DHX30: variants seen among roughly 807,000 people sequenced by gnomAD.
DHX30 encodes the protein ATP-dependent RNA helicase DHX30.
DHX30 carries 4 observed loss-of-function variants against 116.9 expected under a neutral mutation model. The ratio of observed to expected loss-of-function variants is 0.03; its 90% CI spans 0.02 to 0.08. The LOEUF is 0.08. Among genes scored for constraint, DHX30 ranks in the 10% least tolerant of loss-of-function variants. The pLI, the probability that DHX30 is intolerant of heterozygous loss-of-function variation, is 1.00. For missense variants in DHX30, 871 were observed against 1,595.1 expected (o/e 0.55, Z 7.73); for synonymous variants, 697 against 651.7 (o/e 1.07, Z -1.06).
At chr3:47,838,927 T>C (rs1192118281) in intron 6 of DHX30, among the ~76,000 whole-genome samples, 1 of 151,862 alleles carries the variant, frequency 6.6e-6, no homozygotes, top group African/African-American at 2.4e-5. Flanking sequence ...AGGCTGGAGT[T>C]CAGTGGTGTG....
chr3:47,822,343 G>C (rs1322960249), intron 4 of DHX30: 1 of 153,160 alleles, frequency 6.5e-6, no homozygotes, highest in East Asian at 1.9e-4. Context: ...TGCTGATAAA[G>C]ACATACCCAA....
chr3:47,829,451 C>T (rs1390500882), intron 6 of DHX30, among the ~76,000 whole-genome samples: 2 of 147,866 alleles, frequency 1.4e-5, no homozygotes, highest in Admixed American at 6.9e-5. Context: ...TCAAGTGATT[C>T]TCATGCCTTA....
At chr3:47,819,439 C>T (rs1315312383) in intron 4 of DHX30, among the ~76,000 whole-genome samples, 2 of 152,302 alleles carry the variant, frequency 1.3e-5, no homozygotes, top group African/African-American at 4.8e-5. Flanking sequence ...GTGCTCTCTT[C>T]CCCAGAGGAG....
At chr3:47,828,812 A>G (rs1343409105) in intron 5 of DHX30, among the ~76,000 whole-genome samples, 7 of 152,116 alleles carry the variant, frequency 4.6e-5, no homozygotes, top group Non-Finnish European at 1.0e-4. Context: ...AACTTGGGGT[A>G]GAACAGATTG....
In DHX30 at chr3:47,847,391, T is replaced by C. The variant is rs778173640; in HGVS notation, c.2006-41T>C. 2 of 1,614,190 alleles carry C rather than the reference T, an allele frequency of 1.2e-6. No individual in the cohort carries two copies. The highest frequency in any genetic ancestry group is 1.7e-6 in the Non-Finnish European group (2 of 1,179,998). On this transcript the variant is annotated intron_variant, in intron 12 of 21. Coordinates refer to ENST00000445061, the MANE Select transcript of DHX30 (RefSeq NM_138615.3). This position sits in a 1 kb window ranked among gnomAD's most constrained non-coding sequence, Gnocchi z 5.5. ...TGTCCCATGCTAGCCCTGGCCACGTTTGCAGCAACAGCTGGCTCATGCCCC... is the reference window on the plus strand; with the variant it reads ...TGTCCCATGCTAGCCCTGGCCACGTCTGCAGCAACAGCTGGCTCATGCCCC...
chr3:47,812,485 G>C (rs897621267), intron 3 of DHX30, among the ~76,000 whole-genome samples: 8 of 150,606 alleles, frequency 5.3e-5, no homozygotes, highest in Middle Eastern at 3.4e-3. Flanking sequence ...TTGAACCCAG[G>C]AGGTGCAGGT....
intron 2 of DHX30, among the ~76,000 whole-genome samples, chr3:47,808,568 A>T (rs973091180): frequency 1.4e-5 from 2 of 147,428 alleles, no homozygotes; most frequent in African/African-American, 5.0e-5. Context: ...TTTTTTCTTA[A>T]ATTTATTTTT....
intron 6 of DHX30, among the ~76,000 whole-genome samples, chr3:47,838,761 C>T (rs2037234708): frequency 6.6e-6 from 1 of 152,238 alleles, no homozygotes; most frequent in Admixed American, 6.5e-5. Context: ...GCAACCTGTG[C>T]TTTCTTTGCA....
At chr3:47,832,274 G>T (rs1225744686) in intron 6 of DHX30, among the ~76,000 whole-genome samples, 2 of 152,016 alleles carry the variant, frequency 1.3e-5, no homozygotes, top group African/African-American at 4.8e-5. Flanking sequence ...TTCGTCCTCA[G>T]CCACTGGAAG....
intron 3 of DHX30, among the ~76,000 whole-genome samples, chr3:47,817,635 C>T (rs1362030810): frequency 1.3e-5 from 2 of 152,170 alleles, no homozygotes; most frequent in Admixed American, 1.3e-4. Context: ...GCGTAGGTAG[C>T]TACCATAAGA....
intron 3 of DHX30, chr3:47,816,356 CTTTTTTTTTT>C: frequency 1.1e-6 from 1 of 924,378 alleles, no homozygotes; most frequent in African/African-American, 2.1e-5. Context: ...GAGCCGTCTT[CTTTTTTTTTT>C]TTTTTTTTTT....
chr3:47,814,479 G>A (rs1417750527), intron 3 of DHX30, among the ~76,000 whole-genome samples: 3 of 148,734 alleles, frequency 2.0e-5, no homozygotes, highest in East Asian at 2.0e-4. Flanking sequence ...CTGTCTGAGC[G>A]CCGTGTCTCA....
In DHX30 at chr3:47,847,993, G is replaced by A; in HGVS notation, c.2286+37G>A. On this transcript the variant is annotated intron_variant, in intron 14 of 21. Transcript: ENST00000445061. This position sits in a 1 kb window ranked among gnomAD's most constrained non-coding sequence, Gnocchi z 5.5. ...CTCCTGGGCCCGGCCAACCACTGGGGGAGGGACTCCGTTTTGAGGTGGTCC... is the reference window on the plus strand; with the variant it reads ...CTCCTGGGCCCGGCCAACCACTGGGAGAGGGACTCCGTTTTGAGGTGGTCC... The A allele has an allele frequency of 6.2e-7, 1 of 1,609,342 alleles. No homozygotes were observed. Among genetic ancestry groups the A allele is most frequent in the East Asian group, 2.2e-5 (1 of 44,774 alleles).
In DHX30 at chr3:47,836,239, C is replaced by T. The variant is rs547182215; in HGVS notation, c.367-4638C>T. Reference sequence around the variant, plus strand: ...CTGCCTCCTGGATTTAAGTGATTCTCCTGCCTCAGCCTCCCTCATAGCTGG... The same window carrying T: ...CTGCCTCCTGGATTTAAGTGATTCTTCTGCCTCAGCCTCCCTCATAGCTGG... On this transcript the variant is annotated intron_variant, in intron 6 of 21. Coordinates refer to ENST00000445061, the MANE Select transcript of DHX30 (RefSeq NM_138615.3). Among the ~76,000 whole-genome samples, 97 of 152,164 alleles carry T rather than the reference C, an allele frequency of 6.4e-4. 2 individuals carry two copies. The South Asian group carries it at 0.02, about 32-fold the overall frequency.
At chr3:47,832,418 C>G (rs1408406446) in intron 6 of DHX30, among the ~76,000 whole-genome samples, 1 of 152,190 alleles carries the variant, frequency 6.6e-6, no homozygotes, top group African/African-American at 2.4e-5. Flanking sequence ...AACTCCAGAG[C>G]TCCTGCCTCA....
rs368865633 is a variant in DHX30 at position 47,827,331 on chromosome 3, G to T, written c.125-16G>T. On this transcript the variant is annotated splice_polypyrimidine_tract_variant and intron_variant, in intron 4 of 21. Coordinates refer to ENST00000445061, the MANE Select transcript of DHX30 (RefSeq NM_138615.3). The stretch of plus-strand genomic sequence containing the variant: ...GAAAAAGAACAACTGTAATGCTTTT[G>T]TTCTTATTTTCTTAGCTTCTAGGGA... The T allele has an allele frequency of 6.3e-7, 1 of 1,595,984 alleles. No individual in the cohort carries two copies. The highest frequency in any genetic ancestry group is 1.4e-5 in the African/African-American group (1 of 73,492).
At chr3:47,829,464 C>T (rs2036733575) in intron 6 of DHX30, among the ~76,000 whole-genome samples, 1 of 151,350 alleles carries the variant, frequency 6.6e-6, no homozygotes, top group African/African-American at 2.4e-5. Context: ...ATGCCTTAGC[C>T]TCCCAAGTAG....
intron 6 of DHX30, among the ~76,000 whole-genome samples, chr3:47,836,800 C>A (rs138383439): frequency 3.3e-5 from 5 of 152,256 alleles, no homozygotes; most frequent in African/African-American, 1.2e-4. Flanking sequence ...TGTGAGCCAC[C>A]GTGCCCAGCC....
chr3:47,825,017 G>A, intron 4 of DHX30: 1 of 637,430 alleles, frequency 1.6e-6, no homozygotes, highest in Non-Finnish European at 2.8e-6. Context: ...CCGCGCACAG[G>A]CCTCGGGGTC....
Sources: gnomAD v4.1 joint callset for allele counts (sites outside exome capture counted in the v4.1 genomes callset) on GRCh38, gnomAD v4.1.1 for gene constraint, Gnocchi (gnomAD v3.1) non-coding constraint, MANE v1.5 for transcripts, NCBI Gene and HGNC (gene_info 2026-07-23, HGNC 2026-07-21) for gene names.